The following DDX6 variants were observed in gnomAD, a reference collection of about 807,000 sequenced individuals.
DDX6 encodes the protein probable ATP-dependent RNA helicase DDX6.
In DDX6, 7 loss-of-function variants were observed where a neutral mutation model predicts 60.6. The observed-to-expected ratio is 0.12, with a 90% CI of 0.07 to 0.22. The LOEUF (loss-of-function observed/expected upper bound fraction) is 0.22, where lower values mean the gene tolerates loss of function less well. DDX6 is among the 10% of genes least tolerant of loss of function. DDX6 has a pLI of 1.00. For synonymous variants in DDX6, 207 were observed against 201.0 expected (o/e 1.03, Z -0.25); for missense variants, 270 against 589.9 (o/e 0.46, Z 5.62).
At chr11:118,778,762 C>G (rs1861787160) in intron 4 of DDX6, among the ~76,000 whole-genome samples, 1 of 152,048 alleles carries the variant, frequency 6.6e-6, no homozygotes, top group Non-Finnish European at 1.5e-5. Flanking sequence ...CTAGGCACAC[C>G]TTCAAACATG....
At chr11:118,778,805 A>G (rs1357162527) in intron 4 of DDX6, among the ~76,000 whole-genome samples, 1 of 152,144 alleles carries the variant, frequency 6.6e-6, no homozygotes, top group Admixed American at 6.5e-5. Context: ...TGATTTCTGC[A>G]TTATTCGGGC....
At chr11:118,770,592 T>C (rs1861504262) in intron 4 of DDX6, among the ~76,000 whole-genome samples, 3 of 151,984 alleles carry the variant, frequency 2.0e-5, no homozygotes, top group African/African-American at 7.3e-5. Context: ...AGAACAACTG[T>C]GAAAATATTG....
intron 7 of DDX6, among the ~76,000 whole-genome samples, chr11:118,760,632 C>A (rs1464144137): frequency 6.7e-6 from 1 of 149,144 alleles, no homozygotes; most frequent in Non-Finnish European, 1.5e-5. Flanking sequence ...ACCAGCCTGA[C>A]CAACATGGTG....
intron 4 of DDX6, among the ~76,000 whole-genome samples, chr11:118,773,554 A>G (rs1468570176): frequency 6.6e-6 from 1 of 152,200 alleles, no homozygotes; most frequent in African/African-American, 2.4e-5. Flanking sequence ...CCTGGGCGAC[A>G]GAGCGAGACT....
chr11:118,759,955 G>A lies in DDX6; in HGVS notation c.831C>T (p.Ser277=), dbSNP rs376083867. ...TCTGTACACTAAGAGGGAAAGTAGCGGAATATAGTAAAATCTGCCTGTTTT... is the reference window on the plus strand; with the variant it reads ...TCTGTACACTAAGAGGGAAAGTAGCAGAATATAGTAAAATCTGCCTGTTTT... ...LPKNRQILLY[S]ATFPLSVQKF... is the part of the protein sequence containing the mutation. The change falls in exon 8 of 14, where the codon TCC becomes TCT. Residue 277 remains serine (S), a synonymous_variant. Coordinates refer to ENST00000534980, the MANE Select transcript of DDX6 (RefSeq NM_004397.6). 5.3e-5 allele frequency: 86 copies of A among 1,613,636 alleles called. No homozygotes were observed. The highest frequency in any genetic ancestry group is 5.1e-4 in the African/African-American group (38 of 75,026).
Position 118,779,540 on chromosome 11 carries a change from TTAGTTCACTGTATCACTTCTGCAGAG to T in DDX6, c.369+66_369+91del, listed in dbSNP as rs1861818764. On this transcript the variant is annotated intron_variant, in intron 4 of 13. Coordinates refer to ENST00000534980, the MANE Select transcript of DDX6 (RefSeq NM_004397.6). The stretch of plus-strand genomic sequence containing the variant: ...AGTGTGTATACGTGAGAGAGAAATG[TTAGTTCACTGTATCACTTCTGCAGAG>T]CAAAAAGAAAACTGTTTAATGGTTG... 9 of 760,738 alleles carry T rather than the reference TTAGTTCACTGTATCACTTCTGCAGAG, an allele frequency of 1.2e-5. No homozygotes were observed. The South Asian group carries it at 1.7e-4, about 14-fold the overall frequency. The allele number at this position is 760,738 out of a possible 1,614,324, so 47.1% of individuals were successfully genotyped here.
At chr11:118,788,452 C>A (rs1242508249) in intron 1 of DDX6, 4 of 152,242 alleles carry the variant, frequency 2.6e-5, no homozygotes, top group African/African-American at 9.7e-5. Context: ...GGCTGGAGTG[C>A]AATGGCGCGC....
Position 118,749,649 on chromosome 11 carries a change from G to A in DDX6, c.*2456C>T, listed in dbSNP as rs1450338522. 1 of 152,616 alleles carries A rather than the reference G, an allele frequency of 6.6e-6. No homozygotes were observed. The highest frequency in any genetic ancestry group is 2.4e-5 in the African/African-American group (1 of 41,444). 9.5% of individuals were successfully genotyped at this position (152,616 alleles called of 1,614,324 possible). ...GCACTTTTTGTTTAGTCACCCACAC[G>A]TTCTCTAGCGAGATACAGAATTGCA... On this transcript the variant is annotated 3_prime_UTR_variant, in exon 14 of 14. Coordinates refer to ENST00000534980, the MANE Select transcript of DDX6 (RefSeq NM_004397.6).
chr11:118,770,589 CTG>C (rs1487129863), intron 4 of DDX6, among the ~76,000 whole-genome samples: 1 of 152,038 alleles, frequency 6.6e-6, no homozygotes, highest in Non-Finnish European at 1.5e-5. Context: ...GCCAGAACAA[CTG>C]TGAAAATATT....
chr11:118,784,087 C>CAA (rs61356183), intron 2 of DDX6, among the ~76,000 whole-genome samples: 2,489 of 128,362 alleles, frequency 0.019, 115 homozygotes, highest in Admixed American at 0.1. Context: ...GACCCTGTCT[C>CAA]AAAAAAAAAA....
intron 5 of DDX6, chr11:118,767,998 G>A: frequency 2.2e-6 from 1 of 449,346 alleles, no homozygotes; most frequent in South Asian, 2.9e-5. Flanking sequence ...GCTGTCACAA[G>A]TGTGTATCAT....
Position 118,765,358 on chromosome 11 carries a change from G to A in DDX6, c.500-3C>T. 2 of 1,613,810 alleles carry A rather than the reference G, an allele frequency of 1.2e-6. No homozygotes were observed. The highest frequency in any genetic ancestry group is 1.7e-6 in the Non-Finnish European group (2 of 1,179,818). ...TCTAGTGGGAACAATCACCATTGCT[G>A]AAACAGTATCAAGGAATATATAAGA... is the stretch of plus-strand genomic sequence containing the variant. On this transcript the variant is annotated splice_region_variant and splice_polypyrimidine_tract_variant and intron_variant, in intron 5 of 13. Coordinates refer to ENST00000534980, the MANE Select transcript of DDX6 (RefSeq NM_004397.6).
chr11:118,753,797 AT>A (rs1344934329), intron 13 of DDX6, among the ~76,000 whole-genome samples: 1 of 152,160 alleles, frequency 6.6e-6, no homozygotes, highest in Non-Finnish European at 1.5e-5. Flanking sequence ...AAATACTTTC[AT>A]ATTCAAAACT....
chr11:118,770,727 T>C (rs943394148), intron 4 of DDX6, among the ~76,000 whole-genome samples: 1 of 151,678 alleles, frequency 6.6e-6, no homozygotes, highest in Non-Finnish European at 1.5e-5. Flanking sequence ...CCATCTCTGT[T>C]AAAAATACAA....
rs1030461193 is a variant in DDX6, at chr11:118,769,656, T to C, written c.370-1304A>G. Among the ~76,000 whole-genome samples the C allele has an allele frequency of 5.6e-5, 7 of 125,762 alleles. No homozygotes were observed. In the East Asian group the frequency reaches 7.4e-4, roughly 13 times the overall value. The allele number at this position is 125,762 out of a possible 152,430, so 82.5% of individuals were successfully genotyped here. On this transcript the variant is annotated intron_variant, in intron 4 of 13. Transcript: ENST00000534980. ...AACAACAACAAACTATAAAATACAATAGATCGTTGAAAAAGCTTGATCGTT... is the reference window on the plus strand; with the variant it reads ...AACAACAACAAACTATAAAATACAACAGATCGTTGAAAAAGCTTGATCGTT...
intron 7 of DDX6, among the ~76,000 whole-genome samples, chr11:118,762,283 A>AG (rs10696350): frequency 2.0e-5 from 3 of 149,670 alleles, no homozygotes; most frequent in Non-Finnish European, 4.4e-5. Flanking sequence ...CAAAAAAAAA[A>AG]AAATAATAAT....
In DDX6 at chr11:118,758,907, G is replaced by T. The variant is rs375808166; in HGVS notation, c.865-5C>A. On this transcript the variant is annotated splice_region_variant and splice_polypyrimidine_tract_variant and intron_variant, in intron 8 of 13. Coordinates refer to ENST00000534980, the MANE Select transcript of DDX6 (RefSeq NM_004397.6). ...GGGTTTCTGCAAATGGGAATTCTGG[G>T]GGGGGAGCGGGAAAAAGATGAGTCG... 1.2e-5 allele frequency: 20 copies of T among 1,612,718 alleles called. No individual in the cohort carries two copies. Among genetic ancestry groups the T allele is most frequent in the Admixed American group, 1.7e-5 (1 of 59,790 alleles).
intron 2 of DDX6, among the ~76,000 whole-genome samples, chr11:118,781,773 C>T (rs1555164761): frequency 1.3e-5 from 2 of 151,450 alleles, no homozygotes; most frequent in African/African-American, 4.9e-5. Flanking sequence ...ACTGAAAATA[C>T]AAAAATTAGC....
chr11:118,782,988 C>T (rs1476120047), intron 2 of DDX6, among the ~76,000 whole-genome samples: 1 of 152,142 alleles, frequency 6.6e-6, no homozygotes, highest in African/African-American at 2.4e-5. Context: ...GTTTGACATA[C>T]CGTTGAATTC....
Sources: allele counts gnomAD v4.1 joint callset (sites outside exome capture counted in the v4.1 genomes callset), GRCh38; gene constraint gnomAD v4.1.1; transcripts MANE v1.5; gene names NCBI Gene and HGNC (gene_info 2026-07-23, HGNC 2026-07-21).